EYS: variants seen among roughly 807,000 people sequenced by gnomAD.
The protein encoded by EYS is protein eyes shut homolog.
A neutral mutation model predicts 282.1 loss-of-function variants in EYS; 250 were observed. That is an observed-to-expected ratio of 0.89 (90% CI 0.80 to 0.98). The LOEUF (loss-of-function observed/expected upper bound fraction) is 0.98. Ranked by LOEUF, EYS falls within the 50% of genes least tolerant of loss-of-function variation. EYS has a pLI of 0.00. For synonymous variants in EYS, 1,355 were observed against 1,282.9 expected (o/e 1.06, Z -1.20); for missense variants, 4,016 against 3,709.0 (o/e 1.08, Z -2.15).
chr6:64,550,612 G>A (rs552692388), intron 26 of EYS, among the ~76,000 whole-genome samples: 1 of 152,236 alleles, frequency 6.6e-6, no homozygotes, highest in Admixed American at 6.5e-5. Flanking sequence ...TCTGGCTAGG[G>A]CAATCAGGCA....
intron 32 of EYS, among the ~76,000 whole-genome samples, chr6:64,080,816 C>A (rs1382972295): frequency 2.0e-5 from 3 of 152,008 alleles, no homozygotes; most frequent in Non-Finnish European, 4.4e-5. Context: ...AATAGGGAAT[C>A]CTTTCCCCAT....
At chr6:63,990,518 G>A (rs1318170252) in intron 34 of EYS, among the ~76,000 whole-genome samples, 2 of 151,698 alleles carry the variant, frequency 1.3e-5, no homozygotes, top group African/African-American at 2.4e-5. Context: ...AGCTGTTTGA[G>A]TGATTGGATT....
intron 22 of EYS, among the ~76,000 whole-genome samples, chr6:64,715,438 T>C (rs1004995685): frequency 3.3e-5 from 5 of 152,362 alleles, no homozygotes; most frequent in Middle Eastern, 3.4e-3. Context: ...GACTTTAATC[T>C]GAAATGTATG....
intron 35 of EYS, among the ~76,000 whole-genome samples, chr6:63,946,119 G>C (rs797006719): frequency 7.9e-5 from 12 of 152,240 alleles, no homozygotes; most frequent in African/African-American, 2.9e-4. Context: ...CAAGCTCAGG[G>C]CTCTGACGTA....
chr6:65,479,854 T>C (rs1246289001), intron 5 of EYS, among the ~76,000 whole-genome samples: 4 of 152,134 alleles, frequency 2.6e-5, no homozygotes, highest in Admixed American at 6.6e-5. Context: ...TCAAAGTACA[T>C]GGAAAAAAAT....
At chr6:64,908,314 C>G (rs1767891861) in intron 16 of EYS, among the ~76,000 whole-genome samples, 1 of 152,120 alleles carries the variant, frequency 6.6e-6, no homozygotes, top group Non-Finnish European at 1.5e-5. Flanking sequence ...TTGGCGGGAA[C>G]ATGGTGGAAC....
chr6:65,353,620 G>A lies in EYS; in HGVS notation c.1300-3C>T, dbSNP rs1936439. ...GTGCACCCTGGAATGCATACATACT[G>A]CAAAAAGGAAACAAGGAAAAATGGT... On this transcript the variant is annotated splice_polypyrimidine_tract_variant and splice_region_variant and intron_variant, in intron 8 of 42. Coordinates refer to ENST00000503581, the MANE Select transcript of EYS (RefSeq NM_001142800.2). 1,088,744 of 1,606,356 alleles carry A rather than the reference G, an allele frequency of 0.68. 370,343 individuals are homozygous for A. Among genetic ancestry groups the A allele is most frequent in the South Asian group, 0.71 (64,879 of 90,802 alleles).
intron 29 of EYS, among the ~76,000 whole-genome samples, chr6:64,386,433 T>G (rs1332141916): frequency 6.6e-5 from 10 of 152,080 alleles, no homozygotes; most frequent in Non-Finnish European, 1.5e-4. Flanking sequence ...GGAGCCCCCA[T>G]TTACAAAACC....
At chr6:64,055,256 A>G (rs1770942290) in intron 33 of EYS, among the ~76,000 whole-genome samples, 1 of 151,024 alleles carries the variant, frequency 6.6e-6, no homozygotes, top group African/African-American at 2.5e-5. Context: ...AAAAGTAGTG[A>G]GCATTTTTTT....
Position 65,046,424 on chromosome 6 carries a change from T to C in EYS, c.2137+11190A>G, listed in dbSNP as rs183410536. On this transcript the variant is annotated intron_variant, in intron 13 of 42. Coordinates refer to ENST00000503581, the MANE Select transcript of EYS (RefSeq NM_001142800.2). ...GGACTATAACTTTGCCATATCTGTT[T>C]GTCTTTTTATAGCTTTCCTTATTAT... Among the ~76,000 whole-genome samples the C allele has an allele frequency of 2.6e-3, 394 of 152,018 alleles. 2 individuals carry two copies. Among genetic ancestry groups the C allele is most frequent in the African/African-American group, 9.0e-3 (372 of 41,528 alleles).
chr6:65,369,510 G>A (rs1314298738), intron 8 of EYS, among the ~76,000 whole-genome samples: 1 of 150,950 alleles, frequency 6.6e-6, no homozygotes, highest in African/African-American at 2.4e-5. Flanking sequence ...ATTATGGTCT[G>A]CTAGTCTGAA....
intron 32 of EYS, 54 bp from the exon 33 acceptor site, chr6:64,066,545 T>A: frequency 1.7e-6 from 2 of 1,210,892 alleles, no homozygotes; most frequent in East Asian, 5.1e-5. Context: ...ATTTTATTGG[T>A]TAACAATAAT....
At chr6:63,970,595 G>A (rs1212657263) in intron 35 of EYS, among the ~76,000 whole-genome samples, 9 of 150,564 alleles carry the variant, frequency 6.0e-5, no homozygotes, top group East Asian at 2.0e-4. Flanking sequence ...AGATCACACC[G>A]CTGCACTCCA....
At chr6:65,643,284 C>T (rs970710396) in intron 1 of EYS, among the ~76,000 whole-genome samples, 3 of 152,118 alleles carry the variant, frequency 2.0e-5, no homozygotes, top group Non-Finnish European at 2.9e-5. Flanking sequence ...TCTTTGGTGA[C>T]CTGTACGACT....
intron 15 of EYS, among the ~76,000 whole-genome samples, chr6:64,915,401 A>G (rs1562257006): frequency 6.6e-6 from 1 of 152,164 alleles, no homozygotes; most frequent in Admixed American, 6.5e-5. Flanking sequence ...TACTATAAGA[A>G]TTGATATAAG....
intron 7 of EYS, among the ~76,000 whole-genome samples, chr6:65,387,145 G>T (rs2150353698): frequency 6.6e-6 from 1 of 151,918 alleles, no homozygotes; most frequent in African/African-American, 2.4e-5. Flanking sequence ...TGCCAATAAA[G>T]CCAACATTCA....
chr6:65,357,828 G>A (rs1764552274), intron 8 of EYS, among the ~76,000 whole-genome samples: 3 of 151,888 alleles, frequency 2.0e-5, no homozygotes, highest in East Asian at 1.9e-4. Flanking sequence ...GTGAAATGGC[G>A]ACTAATGTAA....
At chr6:64,293,369 T>C (rs1768783373) in intron 30 of EYS, among the ~76,000 whole-genome samples, 1 of 152,146 alleles carries the variant, frequency 6.6e-6, no homozygotes, top group East Asian at 1.9e-4. Flanking sequence ...GTGACATTAA[T>C]GATATTTTGA....
chr6:65,498,039 G>C (rs757501964), intron 2 of EYS, among the ~76,000 whole-genome samples: 10 of 151,962 alleles, frequency 6.6e-5, no homozygotes, highest in Non-Finnish European at 1.0e-4. Context: ...TATAACACTC[G>C]TGAAGTCCAT....
Sources: allele counts gnomAD v4.1 joint callset (sites outside exome capture counted in the v4.1 genomes callset), GRCh38; gene constraint gnomAD v4.1.1; transcripts MANE v1.5; gene names NCBI Gene and HGNC (gene_info 2026-07-23, HGNC 2026-07-21).